RPS6KA6: variants seen among roughly 807,000 people sequenced by gnomAD.
RPS6KA6 encodes ribosomal protein S6 kinase A6, also known as ribosomal protein S6 kinase alpha-6.
In RPS6KA6, 27 loss-of-function variants were observed where a neutral mutation model predicts 65.4. That is an observed-to-expected ratio of 0.41 (90% CI 0.30 to 0.57). The LOEUF is 0.57. RPS6KA6 is among the 20% of genes least tolerant of loss of function. RPS6KA6 has a pLI of 0.24. For synonymous variants in RPS6KA6, 190 were observed against 184.2 expected (o/e 1.03, Z -0.26); for missense variants, 486 against 555.6 (o/e 0.87, Z 1.26).
chrX:84,114,171 T>C (rs1419936143), intron 12 of RPS6KA6, among the ~76,000 whole-genome samples: 2 of 111,332 alleles, frequency 1.8e-5, no homozygotes, highest in Non-Finnish European at 3.8e-5. Context: ...TGCTCATGAA[T>C]TGAAAGAATC....
In RPS6KA6 at chrX:84,187,908, C is replaced by T; in HGVS notation, c.-9G>A. On this transcript the variant is annotated 5_prime_UTR_variant, in exon 1 of 22. It removes the in-frame stop codon of an upstream open reading frame in the 5' UTR. Transcript: ENST00000262752. The stretch of plus-strand genomic sequence containing the variant: ...GGAGCGAATGGTAGCATCTCCCCTT[C>T]AGGAGCACTCAAACAGGAGCTGCCG... 1 of 1,183,599 alleles carries T rather than the reference C, an allele frequency of 8.4e-7. No individual in the cohort carries two copies. Among genetic ancestry groups the T allele is most frequent in the Non-Finnish European group, 1.1e-6 (1 of 879,163 alleles).
intron 3 of RPS6KA6, among the ~76,000 whole-genome samples, chrX:84,155,272 T>C (rs747283233): frequency 9.0e-6 from 1 of 111,644 alleles, no homozygotes; most frequent in South Asian, 3.7e-4. Flanking sequence ...CTATGCTCAA[T>C]TGCCTTATTT....
chrX:84,065,465 C>A (rs17267184), intron 20 of RPS6KA6, among the ~76,000 whole-genome samples: 10,077 of 110,636 alleles, frequency 0.091, 344 homozygotes, highest in Middle Eastern at 0.24. Flanking sequence ...TAAGCTGGGC[C>A]CCAAGGTGTA....
chrX:84,147,778 T>C (rs2035225486), intron 4 of RPS6KA6, among the ~76,000 whole-genome samples: 1 of 112,005 alleles, frequency 8.9e-6, no homozygotes, highest in South Asian at 3.7e-4. Context: ...AAGAAGAGAA[T>C]ATATCCTAAT....
chrX:84,106,857 T>C lies in RPS6KA6; in HGVS notation c.1242+53A>G, dbSNP rs1031827426. The C allele has an allele frequency of 1.4e-5, 14 of 978,705 alleles. No homozygotes were observed. In the African/African-American group the frequency reaches 2.7e-4, roughly 19 times the overall value. 80.7% of individuals were successfully genotyped at this position (978,705 alleles called of 1,213,427 possible). On this transcript the variant is annotated intron_variant, in intron 14 of 21. Transcript: ENST00000262752. Reference sequence around the variant, plus strand: ...AAAACGATTAAAAATACATCAGCAATAACAGAGAAATAATTATCCCAAAAC... The same window carrying C: ...AAAACGATTAAAAATACATCAGCAACAACAGAGAAATAATTATCCCAAAAC...
At chrX:84,125,784 G>A (rs1408681509) in intron 8 of RPS6KA6, among the ~76,000 whole-genome samples, 1 of 110,457 alleles carries the variant, frequency 9.1e-6, no homozygotes, top group Non-Finnish European at 1.9e-5. Flanking sequence ...AACCCGGGAG[G>A]TGGAGCTTGC....
At chrX:84,142,630 A>T (rs1401936805) in intron 6 of RPS6KA6, among the ~76,000 whole-genome samples, 1 of 111,499 alleles carries the variant, frequency 9.0e-6, no homozygotes, top group Non-Finnish European at 1.9e-5. Context: ...CAGAGCAAAC[A>T]TGAATTACCA....
rs371851470 is a variant in RPS6KA6, at chrX:84,102,230, A to G, written c.1615-32T>C. On this transcript the variant is annotated intron_variant, in intron 17 of 21. Coordinates refer to ENST00000262752, the MANE Select transcript of RPS6KA6 (RefSeq NM_014496.5). ...TATAAAGGAAAAAAGCATTATATCT[A>G]TATAATTAACTAAATATCTGAGAAA... is the stretch of plus-strand genomic sequence containing the variant. 7 of 727,479 alleles carry G rather than the reference A, an allele frequency of 9.6e-6. No individual in the cohort carries two copies. In the African/African-American group the frequency reaches 1.4e-4, roughly 14 times the overall value. 60.0% of individuals were successfully genotyped at this position (727,479 alleles called of 1,213,427 possible).
chrX:84,130,636 A>C (rs2034879349), intron 8 of RPS6KA6, among the ~76,000 whole-genome samples: 1 of 111,996 alleles, frequency 8.9e-6, no homozygotes, highest in African/African-American at 3.2e-5. Context: ...TAAACAAATC[A>C]TGGTACCACC....
intron 9 of RPS6KA6, among the ~76,000 whole-genome samples, chrX:84,119,519 C>G (rs1022094122): frequency 8.1e-5 from 9 of 111,516 alleles, no homozygotes; most frequent in African/African-American, 2.6e-4. Flanking sequence ...ATGGAACAAT[C>G]TGACAATAAG....
At chrX:84,130,330 G>A (rs1274378108) in intron 8 of RPS6KA6, among the ~76,000 whole-genome samples, 4 of 111,180 alleles carry the variant, frequency 3.6e-5, no homozygotes, top group Non-Finnish European at 7.6e-5. Flanking sequence ...ATGCCTATTA[G>A]AATAGCTAAA....
chrX:84,151,457 A>C (rs1404892028), intron 3 of RPS6KA6, among the ~76,000 whole-genome samples: 1 of 110,510 alleles, frequency 9.0e-6, no homozygotes, highest in African/African-American at 3.3e-5. Flanking sequence ...TACCATTGAC[A>C]AAAAGAGTAT....
chrX:84,103,327 G>A (rs1415621642), intron 17 of RPS6KA6, among the ~76,000 whole-genome samples: 1 of 110,842 alleles, frequency 9.0e-6, no homozygotes, highest in Non-Finnish European at 1.9e-5. Context: ...CAAAAAAAGG[G>A]AAGTCTCAGC....
At chrX:84,169,079 G>A (rs983494635) in intron 1 of RPS6KA6, among the ~76,000 whole-genome samples, 1 of 111,949 alleles carries the variant, frequency 8.9e-6, no homozygotes, top group Non-Finnish European at 1.9e-5. Flanking sequence ...AAGATAAGCA[G>A]ACATGCTGCT....
At chrX:84,178,785 G>C (rs1291522101) in intron 1 of RPS6KA6, among the ~76,000 whole-genome samples, 2 of 110,677 alleles carry the variant, frequency 1.8e-5, no homozygotes, top group Admixed American at 1.9e-4. Context: ...AACTAGAAAT[G>C]GATCAAAGAC....
intron 20 of RPS6KA6, among the ~76,000 whole-genome samples, chrX:84,080,455 A>C (rs1300667739): frequency 2.0e-5 from 1 of 50,132 alleles, no homozygotes; most frequent in African/African-American, 6.6e-5. Flanking sequence ...TATGCACTCA[A>C]TACAGGAGCA....
Position 84,116,212 on chromosome X carries a change from CT to C in RPS6KA6, c.1008+16del. The stretch of plus-strand genomic sequence containing the variant: ...TCATATGAAGTTATTCAATAACAAG[CT>C]TTCTACTTAACTTACATCCCAGTCA... On this transcript the variant is annotated intron_variant, in intron 12 of 21. Transcript: ENST00000262752. The C allele has an allele frequency of 9.5e-7, 1 of 1,056,018 alleles. No homozygotes were observed. The highest frequency in any genetic ancestry group is 1.3e-6 in the Non-Finnish European group (1 of 765,664). 87.0% of individuals were successfully genotyped at this position (1,056,018 alleles called of 1,213,427 possible). A position where few individuals can be genotyped will look rare whatever the true frequency, so the allele number is the denominator to read the frequency against.
chrX:84,122,475 C>A (rs923248502), intron 8 of RPS6KA6, among the ~76,000 whole-genome samples: 8 of 100,784 alleles, frequency 7.9e-5, no homozygotes, highest in African/African-American at 3.1e-4. Context: ...GGATTACAGG[C>A]GCCCGCCACC....
At chrX:84,111,665 C>A (rs2034473045) in intron 12 of RPS6KA6, among the ~76,000 whole-genome samples, 1 of 111,345 alleles carries the variant, frequency 9.0e-6, no homozygotes, top group Non-Finnish European at 1.9e-5. Context: ...ATTAAACAGG[C>A]CCCATAAAAA....
Sources: allele counts gnomAD v4.1 joint callset (sites outside exome capture counted in the v4.1 genomes callset), GRCh38; gene constraint gnomAD v4.1.1; transcripts MANE v1.5; gene names NCBI Gene and HGNC (gene_info 2026-07-23, HGNC 2026-07-21).